The following FUT8 variants were observed in gnomAD, a reference collection of about 807,000 sequenced individuals.
FUT8 encodes alpha-(1,6)-fucosyltransferase.
A neutral mutation model predicts 71.3 loss-of-function variants in FUT8; 29 were observed. That is an observed-to-expected ratio of 0.41 (90% CI 0.30 to 0.55). FUT8 has a LOEUF of 0.55. Among genes scored for constraint, FUT8 ranks in the 20% least tolerant of loss-of-function variants. The probability of loss-of-function intolerance (pLI) is 0.34; values close to 1 mark genes in which losing one functional copy is unlikely to be tolerated. For synonymous variants in FUT8, 254 were observed against 239.3 expected, an observed-to-expected ratio of 1.06 and a Z score of -0.57; for missense variants, 544 against 702.1, an observed-to-expected ratio of 0.77 and a Z score of 2.55.
At chr14:65,512,530 G>A (rs185909844) in intron 2 of FUT8, among the ~76,000 whole-genome samples, 2 of 152,252 alleles carry the variant, frequency 1.3e-5, no homozygotes, top group East Asian at 3.9e-4. Context: ...CCATCATTAT[G>A]TGGTGCATGA....
intron 3 of FUT8, among the ~76,000 whole-genome samples, chr14:65,585,093 C>T (rs547994595): frequency 1.3e-5 from 2 of 152,230 alleles, no homozygotes; most frequent in South Asian, 2.1e-4. Context: ...GATGTTTGCT[C>T]CTGCACGCTT....
At chr14:65,612,734 A>T (rs753980599) in intron 3 of FUT8, among the ~76,000 whole-genome samples, 1 of 152,194 alleles carries the variant, frequency 6.6e-6, no homozygotes, top group South Asian at 2.1e-4. Context: ...TCACAGGGCT[A>T]TCATCATTTG....
At chr14:65,676,348 C>G (rs1283261408) in intron 7 of FUT8, among the ~76,000 whole-genome samples, 1 of 152,184 alleles carries the variant, frequency 6.6e-6, no homozygotes, top group African/African-American at 2.4e-5. Flanking sequence ...GTTGTTAGAG[C>G]TAGAGATAGA....
chr14:65,737,874 A>G (rs1253127250), intron 10 of FUT8, among the ~76,000 whole-genome samples: 4 of 151,996 alleles, frequency 2.6e-5, no homozygotes, highest in Admixed American at 6.6e-5. Context: ...TACTCCCCTT[A>G]TTACACTTTG....
intron 3 of FUT8, among the ~76,000 whole-genome samples, chr14:65,586,934 A>G (rs1307028413): frequency 6.6e-6 from 1 of 152,180 alleles, no homozygotes; most frequent in Admixed American, 6.5e-5. Flanking sequence ...CACGCCTGTA[A>G]TCCCAGCACT....
intron 7 of FUT8, among the ~76,000 whole-genome samples, chr14:65,690,827 CT>C (rs1893542067): frequency 6.6e-6 from 1 of 151,780 alleles, no homozygotes; most frequent in African/African-American, 2.4e-5. Flanking sequence ...CGGGTGCAAG[CT>C]GATAATCCTG....
intron 7 of FUT8, among the ~76,000 whole-genome samples, chr14:65,686,610 T>A (rs1893297997): frequency 6.6e-6 from 1 of 152,210 alleles, no homozygotes; most frequent in African/African-American, 2.4e-5. Context: ...AATGATTGAT[T>A]TTTGTCAAAG....
At chr14:65,624,259 C>T (rs1729770362) in intron 5 of FUT8, among the ~76,000 whole-genome samples, 3 of 148,834 alleles carry the variant, frequency 2.0e-5, no homozygotes, top group South Asian at 4.3e-4. Flanking sequence ...ACCCTAACTG[C>T]ATTATCACAA....
At chr14:65,558,067 A>T (rs1171082344) in intron 2 of FUT8, among the ~76,000 whole-genome samples, 1 of 152,088 alleles carries the variant, frequency 6.6e-6, no homozygotes, top group African/African-American at 2.4e-5. Context: ...GTGGTGGCTC[A>T]CATCTGTAAT....
upstream of FUT8, chr14:65,412,494 G>A: frequency 1.1e-5 from 4 of 368,546 alleles, no homozygotes; most frequent in Non-Finnish European, 1.6e-5. Flanking sequence ...GGCGGCCTAC[G>A]CCTGTGTGCG....
At chr14:65,503,723 G>A (rs1251084022) in intron 2 of FUT8, among the ~76,000 whole-genome samples, 1 of 152,004 alleles carries the variant, frequency 6.6e-6, no homozygotes, top group Non-Finnish European at 1.5e-5. Context: ...TTTGTCTGTT[G>A]ATACTATGTG....
chr14:65,458,150 C>A (rs1220388006), intron 2 of FUT8: 3 of 148,032 alleles, frequency 2.0e-5, no homozygotes, highest in Non-Finnish European at 4.4e-5. Context: ...CCACTGCACT[C>A]CAGCCTGGGC....
chr14:65,421,137 G>A (rs2139382241), intron 1 of FUT8, among the ~76,000 whole-genome samples: 1 of 148,254 alleles, frequency 6.7e-6, no homozygotes, highest in South Asian at 2.2e-4. Context: ...AGGTTGCAGT[G>A]AGCCAAGGTT....
chr14:65,475,197 G>A (rs923419156), intron 2 of FUT8, among the ~76,000 whole-genome samples: 9 of 152,058 alleles, frequency 5.9e-5, no homozygotes, highest in African/African-American at 2.2e-4. Flanking sequence ...CTGCCTTTAG[G>A]AAACTGACAA....
intron 2 of FUT8, among the ~76,000 whole-genome samples, chr14:65,463,202 C>T (rs1705665189): frequency 6.6e-6 from 1 of 152,026 alleles, no homozygotes; most frequent in African/African-American, 2.4e-5. Flanking sequence ...AAAGATATAC[C>T]TCTATCATAT....
chr14:65,505,788 T>C (rs1179919254), intron 2 of FUT8, among the ~76,000 whole-genome samples: 1 of 152,282 alleles, frequency 6.6e-6, no homozygotes, highest in East Asian at 1.9e-4. Context: ...CTAGAAGATT[T>C]TATATAATCT....
chr14:65,732,495 C>T (rs907069850), intron 9 of FUT8, among the ~76,000 whole-genome samples: 54 of 152,312 alleles, frequency 3.5e-4, no homozygotes, highest in African/African-American at 1.2e-3. Flanking sequence ...ATTCCTTCAG[C>T]AAATATTTAT....
At chr14:65,715,214 CTA>C (rs1894993865) in intron 7 of FUT8, among the ~76,000 whole-genome samples, 1 of 152,158 alleles carries the variant, frequency 6.6e-6, no homozygotes, top group Admixed American at 6.5e-5. Flanking sequence ...AGCTGTGGAT[CTA>C]TGTATATGGC....
At chr14:65,482,802 A>G (rs116475177) in intron 2 of FUT8, among the ~76,000 whole-genome samples, 1,634 of 152,204 alleles carry the variant, frequency 0.011, 20 homozygotes, top group African/African-American at 0.034. Context: ...TCAGCTGACA[A>G]TGTTAAGTTT....
Sources: gnomAD v4.1 joint callset for allele counts (sites outside exome capture counted in the v4.1 genomes callset) on GRCh38, gnomAD v4.1.1 for gene constraint, MANE v1.5 for transcripts, NCBI Gene and HGNC (gene_info 2026-07-23, HGNC 2026-07-21) for gene names.